NXPH3: variants seen among roughly 807,000 people sequenced by gnomAD.
NXPH3 encodes neurexophilin-3.
NXPH3 carries 7 observed loss-of-function variants against 18.8 expected under a neutral mutation model. The ratio of observed to expected loss-of-function variants is 0.37; its 90% confidence interval spans 0.21 to 0.70. The LOEUF is 0.70. NXPH3 is among the 30% of genes least tolerant of loss of function. The pLI, the probability that NXPH3 is intolerant of heterozygous loss-of-function variation, is 0.53. For missense variants in NXPH3, 282 were observed against 338.1 expected (o/e 0.83, Z 1.30); for synonymous variants, 101 against 137.3 (o/e 0.74, Z 1.85).
rs570062171 is a variant in NXPH3, at chr17:49,579,615, C to T, written c.*315C>T. On this transcript the variant is annotated 3_prime_UTR_variant, in exon 2 of 2. Coordinates refer to ENST00000328741, the MANE Select transcript of NXPH3 (RefSeq NM_007225.4). This position sits in a 1 kb window ranked among gnomAD's most constrained non-coding sequence, Gnocchi z 6.0. The stretch of plus-strand genomic sequence containing the variant: ...GGGTCCCCGAGGCCTGTGGGCAGGC[C>T]GATCAGTGTGGCCCCAGATCAAGTC... 20 of 378,460 alleles carry T rather than the reference C, an allele frequency of 5.3e-5. No individual in the cohort carries two copies. The highest frequency in any genetic ancestry group is 5.8e-5 in the Non-Finnish European group (12 of 206,290). 23.4% of individuals were successfully genotyped at this position (378,460 alleles called of 1,614,324 possible).
rs150154172 is a variant in NXPH3 at position 49,579,558 on chromosome 17, A to G, written c.*258A>G. 1,125 of 511,134 alleles carry G rather than the reference A, an allele frequency of 2.2e-3. 11 individuals are homozygous for G. Among genetic ancestry groups the G allele is most frequent in the African/African-American group, 0.019 (1,020 of 52,694 alleles). The allele number at this position is 511,134 out of a possible 1,614,324, so 31.7% of individuals were successfully genotyped here. ...GAGTGGGCTCTCTGTGCAGCCTCAC[A>G]GGGCTTTGCCACGGAGCCACAGAGA... On this transcript the variant is annotated 3_prime_UTR_variant, in exon 2 of 2. Transcript: ENST00000328741. This position sits in a 1 kb window ranked among gnomAD's most constrained non-coding sequence, Gnocchi z 6.0.
rs1002181852 is a variant in NXPH3, at chr17:49,581,797, C to G, written c.*2497C>G. On this transcript the variant is annotated 3_prime_UTR_variant, in exon 2 of 2. Transcript: ENST00000328741. Reference sequence around the variant, plus strand: ...CTCCCCTGGCTGAACTCTCAGCAGGCACTGGGGGCACTTTGACCCCCCTCC... The same window carrying G: ...CTCCCCTGGCTGAACTCTCAGCAGGGACTGGGGGCACTTTGACCCCCCTCC... 2.9e-6 allele frequency: 2 copies of G among 701,730 alleles called. No homozygotes were observed. The highest frequency in any genetic ancestry group is 3.5e-5 in the African/African-American group (2 of 57,258). 43.5% of individuals were successfully genotyped at this position (701,730 alleles called of 1,614,324 possible).
At chr17:49,576,381 G>C in intron 1 of NXPH3, 108 bp downstream of exon 1, 7 of 1,238,616 alleles carry the variant, frequency 5.7e-6, no homozygotes, top group Non-Finnish European at 8.0e-6. Context: ...CCGACATCCC[G>C]GGGATGGCGG....
chr17:49,578,537 G>A lies in NXPH3; in HGVS notation c.55-59G>A. 7.4e-7 allele frequency: 1 copy of A among 1,346,638 alleles called. No homozygotes were observed. The highest frequency in any genetic ancestry group is 1.4e-5 in the South Asian group (1 of 70,980). 83.4% of individuals were successfully genotyped at this position (1,346,638 alleles called of 1,614,324 possible). ...GGCAGGGACAGGGGTACTGCTGGTAGCGGGGGTGGTGGACCTCCAGGGACA... is the reference window on the plus strand; with the variant it reads ...GGCAGGGACAGGGGTACTGCTGGTAACGGGGGTGGTGGACCTCCAGGGACA... On this transcript the variant is annotated intron_variant, in intron 1 of 1. Transcript: ENST00000328741. This position sits in a 1 kb window ranked among gnomAD's most constrained non-coding sequence, Gnocchi z 4.5.
Position 49,582,053 on chromosome 17 carries a change from G to T in NXPH3, c.*2753G>T. ...TCCCAAACCTTAATTCTTTGGAATA[G>T]CCCTCTGGTCCCTACTGTTCTTGCC... On this transcript the variant is annotated 3_prime_UTR_variant, in exon 2 of 2. Coordinates refer to ENST00000328741, the MANE Select transcript of NXPH3 (RefSeq NM_007225.4). 1 of 587,836 alleles carries T rather than the reference G, an allele frequency of 1.7e-6. No individual in the cohort carries two copies. The highest frequency in any genetic ancestry group is 2.8e-5 in the East Asian group (1 of 35,248). 36.4% of individuals were successfully genotyped at this position (587,836 alleles called of 1,614,324 possible). A position where few individuals can be genotyped will look rare whatever the true frequency, so the allele number is the denominator to read the frequency against.
In NXPH3 at chr17:49,578,850, C is replaced by T. The variant is rs776282213; in HGVS notation, c.309C>T (p.Gly103=). The change falls in exon 2 of 2, where the codon GGC becomes GGT. Residue 103 remains glycine (G), a synonymous_variant. Transcript: ENST00000328741. This position sits in a 1 kb window ranked among gnomAD's most constrained non-coding sequence, Gnocchi z 4.5. ...AGGTGAAGAAAATCTTTGGCTGGGG[C>T]GACTTCTACTCCAACATCAAGACGG... ...SAKVKKIFGW[G]DFYSNIKTVA... is the part of the protein sequence containing the mutation. 8.1e-6 allele frequency: 13 copies of T among 1,613,950 alleles called. No individual in the cohort carries two copies. The Admixed American group carries it at 1.3e-4, about 17-fold the overall frequency.
Position 49,581,448 on chromosome 17 carries a change from C to T in NXPH3, c.*2148C>T, listed in dbSNP as rs748910533. 3.1e-5 allele frequency: 19 copies of T among 604,864 alleles called. No individual in the cohort carries two copies. Among genetic ancestry groups the T allele is most frequent in the East Asian group, 1.9e-4 (7 of 36,264 alleles). The allele number at this position is 604,864 out of a possible 1,614,324, so 37.5% of individuals were successfully genotyped here. ...TTCGCCCCTGCCCACCAGCGCTCCG[C>T]GCAAACTGGTCCCCTCATACTGCAG... is the stretch of plus-strand genomic sequence containing the variant. On this transcript the variant is annotated 3_prime_UTR_variant, in exon 2 of 2. Transcript: ENST00000328741.
rs183005842 is a variant in NXPH3 at position 49,581,437 on chromosome 17, C to T, written c.*2137C>T. The T allele has an allele frequency of 1.2e-5, 7 of 600,942 alleles. No homozygotes were observed. In the African/African-American group the frequency reaches 1.3e-4, roughly 11 times the overall value. 37.2% of individuals were successfully genotyped at this position (600,942 alleles called of 1,614,324 possible). A position where few individuals can be genotyped will look rare whatever the true frequency, so the allele number is the denominator to read the frequency against. On this transcript the variant is annotated 3_prime_UTR_variant, in exon 2 of 2. Coordinates refer to ENST00000328741, the MANE Select transcript of NXPH3 (RefSeq NM_007225.4). The stretch of plus-strand genomic sequence containing the variant: ...ACCCCCCACCTTTCGCCCCTGCCCA[C>T]CAGCGCTCCGCGCAAACTGGTCCCC...
Position 49,580,477 on chromosome 17 carries a change from GC to G in NXPH3, c.*1178del, listed in dbSNP as rs1442452111. 6.6e-6 allele frequency: 1 copy of G among 152,236 alleles called. No homozygotes were observed. The highest frequency in any genetic ancestry group is 1.9e-4 in the East Asian group (1 of 5,188). The allele number at this position is 152,236 out of a possible 1,614,324, so 9.4% of individuals were successfully genotyped here. ...AGTGGCAGGGATCCAACCGCCCTTG[GC>G]GCTGATGTTTGCTGAGGGCTCAGGG... On this transcript the variant is annotated 3_prime_UTR_variant, in exon 2 of 2. Coordinates refer to ENST00000328741, the MANE Select transcript of NXPH3 (RefSeq NM_007225.4).
chr17:49,577,611 G>C (rs189385695), intron 1 of NXPH3, among the ~76,000 whole-genome samples: 1 of 152,174 alleles, frequency 6.6e-6, no homozygotes, highest in Admixed American at 6.5e-5. Flanking sequence ...GGCGGATGGC[G>C]CCTGGATAAA....
chr17:49,576,279 T>G lies in NXPH3; in HGVS notation c.54+6T>G. On this transcript the variant is annotated splice_donor_region_variant and intron_variant, in intron 1 of 1. Coordinates refer to ENST00000328741, the MANE Select transcript of NXPH3 (RefSeq NM_007225.4). ...TGCAGGGTAGCCTCTATCTGGTGAG[T>G]GGTCCGAGGGGAGCTGCGCAGAGGG... 1 of 1,563,176 alleles carries G rather than the reference T, an allele frequency of 6.4e-7. No homozygotes were observed. Among genetic ancestry groups the G allele is most frequent in the Non-Finnish European group, 8.7e-7 (1 of 1,154,768 alleles).
rs1015722309 is a variant in NXPH3, at chr17:49,581,701, C to T, written c.*2401C>T. The T allele has an allele frequency of 2.8e-6, 2 of 702,474 alleles. No homozygotes were observed. Among genetic ancestry groups the T allele is most frequent in the African/African-American group, 3.5e-5 (2 of 57,260 alleles). The allele number at this position is 702,474 out of a possible 1,614,324, so 43.5% of individuals were successfully genotyped here. A position where few individuals can be genotyped will look rare whatever the true frequency, so the allele number is the denominator to read the frequency against. ...CACCCACCGTGTGCCGTTCAGCCTCCCACAGTGCTGTGGAGACTGCAGGAA... is the reference window on the plus strand; with the variant it reads ...CACCCACCGTGTGCCGTTCAGCCTCTCACAGTGCTGTGGAGACTGCAGGAA... On this transcript the variant is annotated 3_prime_UTR_variant, in exon 2 of 2. Transcript: ENST00000328741.
chr17:49,579,386 G>T lies in NXPH3; in HGVS notation c.*86G>T. 8.2e-7 allele frequency: 1 copy of T among 1,222,182 alleles called. No individual in the cohort carries two copies. Among genetic ancestry groups the T allele is most frequent in the East Asian group, 2.4e-5 (1 of 42,158 alleles). 75.7% of individuals were successfully genotyped at this position (1,222,182 alleles called of 1,614,324 possible). On this transcript the variant is annotated 3_prime_UTR_variant, in exon 2 of 2. Coordinates refer to ENST00000328741, the MANE Select transcript of NXPH3 (RefSeq NM_007225.4). The surrounding 1 kb of genome is among the most constrained non-coding windows in gnomAD (Gnocchi z 6.0). ...ACCATCTGGACACCGGGCAGGGAAG[G>T]GGTTGGGCCTCAGGCAGGGAGGGGG...
rs1224150538 is a variant in NXPH3 at position 49,582,018 on chromosome 17, A to C, written c.*2718A>C. 2 of 591,670 alleles carry C rather than the reference A, an allele frequency of 3.4e-6. No homozygotes were observed. Among genetic ancestry groups the C allele is most frequent in the Non-Finnish European group, 3.0e-6 (1 of 333,544 alleles). 36.7% of individuals were successfully genotyped at this position (591,670 alleles called of 1,614,324 possible). A position where few individuals can be genotyped will look rare whatever the true frequency, so the allele number is the denominator to read the frequency against. ...GCTCTCCTCAGCTAGGACTTCGCTA[A>C]CAGATTTCCTCCCAAACCTTAATTC... On this transcript the variant is annotated 3_prime_UTR_variant, in exon 2 of 2. Transcript: ENST00000328741.
rs1439282843 is a variant in NXPH3, at chr17:49,578,764, G to A, written c.223G>A (p.Ala75Thr). The stretch of plus-strand genomic sequence containing the variant: ...AGGGCTGCTGGCCCCGCCTGGGGAG[G>A]CTTGGGGCATTCTTGGGCAGCCCCC... ...LLGLLAPPGE[A>T]WGILGQPPNR... is the part of the protein sequence containing the mutation. Residue 75 changes from alanine to threonine, a missense_variant, in exon 2 of 2, where the codon GCT becomes ACT. Physicochemically the swap from Ala to Thr is moderately conservative, Grantham distance 58. Coordinates refer to ENST00000328741, the MANE Select transcript of NXPH3 (RefSeq NM_007225.4). The surrounding 1 kb of genome is among the most constrained non-coding windows in gnomAD (Gnocchi z 4.5). The A allele has an allele frequency of 6.2e-7, 1 of 1,613,698 alleles. No homozygotes were observed. The highest frequency in any genetic ancestry group is 1.7e-5 in the Admixed American group (1 of 60,022).
chr17:49,576,113 G>A lies in NXPH3; in HGVS notation c.-107G>A, dbSNP rs963023061. On this transcript the variant is annotated 5_prime_UTR_variant, in exon 1 of 2. Coordinates refer to ENST00000328741, the MANE Select transcript of NXPH3 (RefSeq NM_007225.4). Reference sequence around the variant, plus strand: ...GCTGAGGGGAGGGCCGCGGGCCGCCGGGGACTGGAGCATGGGACGGCGCGC... The same window carrying A: ...GCTGAGGGGAGGGCCGCGGGCCGCCAGGGACTGGAGCATGGGACGGCGCGC... 2 of 1,402,382 alleles carry A rather than the reference G, an allele frequency of 1.4e-6. No homozygotes were observed. Among genetic ancestry groups the A allele is most frequent in the Admixed American group, 4.0e-5 (2 of 50,474 alleles). The allele number at this position is 1,402,382 out of a possible 1,614,324, so 86.9% of individuals were successfully genotyped here. A position where few individuals can be genotyped will look rare whatever the true frequency, so the allele number is the denominator to read the frequency against.
chr17:49,582,215 C>A lies in NXPH3; in HGVS notation c.*2915C>A. The stretch of plus-strand genomic sequence containing the variant: ...GCCCCCCCACCATCACGACGAAGTG[C>A]GCTGGCCTCCCACTCTTGCCATGCA... On this transcript the variant is annotated 3_prime_UTR_variant, in exon 2 of 2. Coordinates refer to ENST00000328741, the MANE Select transcript of NXPH3 (RefSeq NM_007225.4). 1 of 330,660 alleles carries A rather than the reference C, an allele frequency of 3.0e-6. No individual in the cohort carries two copies. Among genetic ancestry groups the A allele is most frequent in the Non-Finnish European group, 5.5e-6 (1 of 180,652 alleles). 20.5% of individuals were successfully genotyped at this position (330,660 alleles called of 1,614,324 possible).
At position 49,580,252 on chromosome 17, in the gene NXPH3, G is replaced by A. The variant is rs1387572846; in HGVS notation, c.*952G>A. ...TGTGCTGGATCTGTTCTGTGTGTCTGTCTGTGGGTGGGGGGAGGGGAGGGA... is the reference window on the plus strand; with the variant it reads ...TGTGCTGGATCTGTTCTGTGTGTCTATCTGTGGGTGGGGGGAGGGGAGGGA... On this transcript the variant is annotated 3_prime_UTR_variant, in exon 2 of 2. Coordinates refer to ENST00000328741, the MANE Select transcript of NXPH3 (RefSeq NM_007225.4). 2 of 143,306 alleles carry A rather than the reference G, an allele frequency of 1.4e-5. No individual in the cohort carries two copies. The highest frequency in any genetic ancestry group is 1.4e-4 in the Admixed American group (2 of 14,520). 8.9% of individuals were successfully genotyped at this position (143,306 alleles called of 1,614,324 possible). A position where few individuals can be genotyped will look rare whatever the true frequency, so the allele number is the denominator to read the frequency against.
Position 49,580,574 on chromosome 17 carries a change from C to CGGTGCTGGAGGAG in NXPH3, c.*1277_*1289dup. The CGGTGCTGGAGGAG allele has an allele frequency of 6.6e-6, 1 of 152,276 alleles. No individual in the cohort carries two copies. Among genetic ancestry groups the CGGTGCTGGAGGAG allele is most frequent in the African/African-American group, 2.4e-5 (1 of 41,436 alleles). The allele number at this position is 152,276 out of a possible 1,614,324, so 9.4% of individuals were successfully genotyped here. ...GAAACTTGAGCAAACACCCTGGGCTCGGTGCTGGAGGAGGGCGTAGCATCT... is the reference window on the plus strand; with the variant it reads ...GAAACTTGAGCAAACACCCTGGGCTCGGTGCTGGAGGAGGGTGCTGGAGGAGGGCGTAGCATCT... On this transcript the variant is annotated 3_prime_UTR_variant, in exon 2 of 2. Transcript: ENST00000328741.
Sources: gnomAD v4.1 joint callset for allele counts (sites outside exome capture counted in the v4.1 genomes callset) on GRCh38, gnomAD v4.1.1 for gene constraint, Gnocchi (gnomAD v3.1) non-coding constraint, MANE v1.5 for transcripts, NCBI Gene and HGNC (gene_info 2026-07-23, HGNC 2026-07-21) for gene names.